MAL2: variants seen among roughly 807,000 people sequenced by gnomAD.
MAL2 encodes the protein mal, T cell differentiation protein 2.
Under a neutral mutation model 18.1 loss-of-function variants are expected in MAL2, and 17 were observed. The observed-to-expected ratio is 0.94, with a 90% CI of 0.64 to 1.41. The LOEUF is 1.41. Ranked by LOEUF, MAL2 falls within the 40% of genes most tolerant of loss-of-function variation. The pLI, the probability that MAL2 is intolerant of heterozygous loss-of-function variation, is 0.00. For missense variants in MAL2, 222 were observed against 231.9 expected, an observed-to-expected ratio of 0.96 and a Z score of 0.28; for synonymous variants, 102 against 102.3, an observed-to-expected ratio of 1.00 and a Z score of 0.02.
At chr8:119,222,435 C>A (rs1403929055) in intron 2 of MAL2, among the ~76,000 whole-genome samples, 1 of 147,928 alleles carries the variant, frequency 6.8e-6, no homozygotes, top group Non-Finnish European at 1.5e-5. Context: ...GAGGCAGAGG[C>A]AGAAGAATTA....
intron 1 of MAL2, among the ~76,000 whole-genome samples, chr8:119,216,957 G>GA (rs1283593839): frequency 6.6e-6 from 1 of 152,162 alleles, no homozygotes; most frequent in Non-Finnish European, 1.5e-5. Context: ...CATTTGAAAA[G>GA]AAAAAGGGCA....
chr8:119,229,647 A>G (rs1587132722), intron 2 of MAL2, among the ~76,000 whole-genome samples: 1 of 152,118 alleles, frequency 6.6e-6, no homozygotes, highest in South Asian at 2.1e-4. Context: ...AGTGTGTAAC[A>G]TGCATCATCA....
In MAL2 at chr8:119,226,944, CCTT is replaced by C. The variant is rs568424559; in HGVS notation, c.303+5191_303+5193del. Reference sequence around the variant, plus strand: ...TGCAATGAGTGAGGCTTGTGGAAGACCTTCTTAACACACATCCCACACCTGGCA... The same window carrying C: ...TGCAATGAGTGAGGCTTGTGGAAGACCTTAACACACATCCCACACCTGGCA... On this transcript the variant is annotated intron_variant, in intron 2 of 3. Coordinates refer to ENST00000614891, the MANE Select transcript of MAL2 (RefSeq NM_052886.3). Among the ~76,000 whole-genome samples the C allele has an allele frequency of 7.9e-5, 12 of 152,250 alleles. No homozygotes were observed. In the East Asian group the frequency reaches 1.5e-3, roughly 20 times the overall value.
Position 119,219,291 on chromosome 8 carries a change from T to C in MAL2, c.133-2296T>C, listed in dbSNP as rs77471023. Among the ~76,000 whole-genome samples, 196 of 152,358 alleles carry C rather than the reference T, an allele frequency of 1.3e-3. 4 individuals carry two copies. In the East Asian group the frequency reaches 0.035, roughly 27 times the overall value. On this transcript the variant is annotated intron_variant, in intron 1 of 3. Coordinates refer to ENST00000614891, the MANE Select transcript of MAL2 (RefSeq NM_052886.3). ...GATCATTTATGCTTTCAAAAATGTT[T>C]CTTCAAAGTAGTAACAAATTATATG...
At chr8:119,214,486 G>A (rs565315938) in intron 1 of MAL2, among the ~76,000 whole-genome samples, 3 of 152,232 alleles carry the variant, frequency 2.0e-5, no homozygotes, top group African/African-American at 4.8e-5. Flanking sequence ...TGATTTATAC[G>A]GGTCTGGCCA....
intron 2 of MAL2, among the ~76,000 whole-genome samples, chr8:119,222,829 CAAAAAA>C (rs11309798): frequency 1.9e-5 from 2 of 107,402 alleles, no homozygotes; most frequent in African/African-American, 3.7e-5. Flanking sequence ...CCTTGTCTCT[CAAAAAA>C]AAAAAAAAAA....
intron 3 of MAL2, among the ~76,000 whole-genome samples, chr8:119,242,773 T>A (rs970883079): frequency 4.6e-5 from 7 of 152,224 alleles, no homozygotes; most frequent in Non-Finnish European, 1.0e-4. Flanking sequence ...GCTTTGTCTT[T>A]TAGTCTTCTA....
chr8:119,220,691 G>A (rs1244749597), intron 1 of MAL2, among the ~76,000 whole-genome samples: 1 of 152,080 alleles, frequency 6.6e-6, no homozygotes, highest in Non-Finnish European at 1.5e-5. Context: ...GCTACTCTCA[G>A]CTCCTGCCAT....
intron 2 of MAL2, among the ~76,000 whole-genome samples, chr8:119,236,567 A>T (rs1817901259): frequency 6.6e-6 from 1 of 151,854 alleles, no homozygotes; most frequent in Non-Finnish European, 1.5e-5. Context: ...CAGCAAATGT[A>T]AAAGAACAGA....
intron 1 of MAL2, among the ~76,000 whole-genome samples, chr8:119,219,139 T>A (rs556748880): frequency 6.6e-6 from 1 of 152,326 alleles, no homozygotes; most frequent in Non-Finnish European, 1.5e-5. Flanking sequence ...TGCACTGATA[T>A]TCATTAGATT....
At position 119,240,307 on chromosome 8, in the gene MAL2, A is replaced by G; in HGVS notation, c.446A>G (p.Asn149Ser). The change falls in exon 3 of 4, where the codon AAC becomes AGC. Residue 149 changes from asparagine to serine, a missense_variant. Coordinates refer to ENST00000614891, the MANE Select transcript of MAL2 (RefSeq NM_052886.3). ...CTGAGTGATAACCAGTATAACATAA[A>G]CGTAGCAGCCTCAGTAAGTATTCAT... is the stretch of plus-strand genomic sequence containing the variant. ...PLLSDNQYNI[N>S]VAASIFAFMT... The G allele has an allele frequency of 6.2e-7, 1 of 1,613,318 alleles. No individual in the cohort carries two copies. Among genetic ancestry groups the G allele is most frequent in the Non-Finnish European group, 8.5e-7 (1 of 1,179,580 alleles).
intron 2 of MAL2, among the ~76,000 whole-genome samples, chr8:119,237,884 A>T (rs1047129632): frequency 6.6e-6 from 1 of 152,204 alleles, no homozygotes; most frequent in African/African-American, 2.4e-5. Context: ...GGCACAAGAC[A>T]GGGATGCCCT....
At chr8:119,225,276 C>A (rs1447064499) in intron 2 of MAL2, among the ~76,000 whole-genome samples, 1 of 152,186 alleles carries the variant, frequency 6.6e-6, no homozygotes, top group East Asian at 1.9e-4. Context: ...CCCACTCCCC[C>A]CACCCCACAA....
intron 2 of MAL2, among the ~76,000 whole-genome samples, chr8:119,234,230 C>G (rs1310395385): frequency 6.6e-6 from 1 of 152,132 alleles, no homozygotes; most frequent in African/African-American, 2.4e-5. Context: ...CACTCCCACC[C>G]GAATATTGCA....
chr8:119,213,503 T>C (rs1312143960), intron 1 of MAL2, among the ~76,000 whole-genome samples: 1 of 152,148 alleles, frequency 6.6e-6, no homozygotes, highest in Non-Finnish European at 1.5e-5. Context: ...TGCCTCTGGA[T>C]TAAAAATCTT....
chr8:119,218,215 G>A (rs911016803), intron 1 of MAL2, among the ~76,000 whole-genome samples: 1 of 152,124 alleles, frequency 6.6e-6, no homozygotes, highest in African/African-American at 2.4e-5. Flanking sequence ...GAGTGAGAGA[G>A]AGGGGGCATT....
chr8:119,208,735 C>A lies in MAL2; in HGVS notation c.132+131C>A. On this transcript the variant is annotated intron_variant, in intron 1 of 3. Coordinates refer to ENST00000614891, the MANE Select transcript of MAL2 (RefSeq NM_052886.3). This position sits in a 1 kb window ranked among gnomAD's most constrained non-coding sequence, Gnocchi z 4.3. The stretch of plus-strand genomic sequence containing the variant: ...CTTCGACGTGGCTTTGTCCTGCGCT[C>A]CCTCCCGGGGTCCTCTCGGTGCCCC... 1.7e-6 allele frequency: 2 copies of A among 1,207,610 alleles called. No homozygotes were observed. The highest frequency in any genetic ancestry group is 2.1e-6 in the Non-Finnish European group (2 of 970,182). The allele number at this position is 1,207,610 out of a possible 1,614,324, so 74.8% of individuals were successfully genotyped here.
chr8:119,213,652 T>G (rs1238171549), intron 1 of MAL2, among the ~76,000 whole-genome samples: 1 of 152,048 alleles, frequency 6.6e-6, no homozygotes. Flanking sequence ...AACCCCCATC[T>G]CTACTAAAAA....
At chr8:119,226,257 T>C (rs1238135548) in intron 2 of MAL2, among the ~76,000 whole-genome samples, 1 of 151,982 alleles carries the variant, frequency 6.6e-6, no homozygotes, top group Non-Finnish European at 1.5e-5. Flanking sequence ...TCTTCTAGGG[T>C]TTTTATGGTT....
Sources: gnomAD v4.1 joint callset for allele counts (sites outside exome capture counted in the v4.1 genomes callset) on GRCh38, gnomAD v4.1.1 for gene constraint, Gnocchi (gnomAD v3.1) non-coding constraint, MANE v1.5 for transcripts, NCBI Gene and HGNC (gene_info 2026-07-23, HGNC 2026-07-21) for gene names.